Variants in PARP1 observed in about 807,000 individuals in gnomAD.
PARP1 encodes poly [ADP-ribose] polymerase 1.
A neutral mutation model predicts 118.7 loss-of-function variants in PARP1; 44 were observed. The observed-to-expected ratio is 0.37, with a 90% CI of 0.29 to 0.48. The LOEUF (loss-of-function observed/expected upper bound fraction) is 0.48. PARP1 is among the 20% of genes least tolerant of loss of function. PARP1 has a pLI of 0.99. For missense variants in PARP1, 1,100 were observed against 1,272.4 expected (o/e 0.86, Z 2.06); for synonymous variants, 492 against 483.2 (o/e 1.02, Z -0.24).
chr1:226,407,989 C>A lies in PARP1; in HGVS notation c.-60G>T, dbSNP rs999565376. The A allele has an allele frequency of 2.5e-6, 4 of 1,602,390 alleles. No individual in the cohort carries two copies. The highest frequency in any genetic ancestry group is 1.7e-5 in the Admixed American group (1 of 58,416). ...GACGCCACGACCTAGAAACACGCTG[C>A]CGCCTCGCCGCCTCGCGTGCGCTCA... On this transcript the variant is annotated 5_prime_UTR_variant, in exon 1 of 23. Coordinates refer to ENST00000366794, the MANE Select transcript of PARP1 (RefSeq NM_001618.4).
At chr1:226,396,320 T>C (rs1490582034) in intron 2 of PARP1, among the ~76,000 whole-genome samples, 7 of 150,848 alleles carry the variant, frequency 4.6e-5, no homozygotes. Flanking sequence ...TACTCCAACC[T>C]GGGCGACAGA....
rs944996971 is a variant in PARP1 at position 226,408,063 on chromosome 1, A to G, written c.-134T>C. 11 of 1,284,436 alleles carry G rather than the reference A, an allele frequency of 8.6e-6. No homozygotes were observed. The African/African-American group carries it at 1.5e-4, about 17-fold the overall frequency. 79.6% of individuals were successfully genotyped at this position (1,284,436 alleles called of 1,614,324 possible). A position where few individuals can be genotyped will look rare whatever the true frequency, so the allele number is the denominator to read the frequency against. On this transcript the variant is annotated 5_prime_UTR_variant, in exon 1 of 23. Transcript: ENST00000366794. ...CCAGAGCCGCCACCGAACACGCCGC[A>G]CCGGCCACCGCCGTTCCCTGATAGA...
rs1664573612 is a variant in PARP1 at position 226,380,039 on chromosome 1, G to A, written c.1426C>T (p.His476Tyr). The A allele has an allele frequency of 6.2e-6, 10 of 1,614,186 alleles. No homozygotes were observed. The highest frequency in any genetic ancestry group is 8.5e-6 in the Non-Finnish European group (10 of 1,180,042). ...TKSLQELFLA[H>Y]ILSPWGAEVK... ...TCTGCCCCCCAAGGGGACAAGATGT[G>A]CGCTAAGAACAACTCCTGAAGGCTC... is the stretch of plus-strand genomic sequence containing the variant. The change falls in exon 10 of 23, where the codon CAC becomes TAC. Residue 476 changes from histidine to tyrosine, a missense_variant. His to Tyr is a moderately conservative substitution (Grantham distance 83). Coordinates refer to ENST00000366794, the MANE Select transcript of PARP1 (RefSeq NM_001618.4).
intron 17 of PARP1, chr1:226,366,351 T>G: frequency 2.6e-6 from 1 of 384,660 alleles, no homozygotes; most frequent in Non-Finnish European, 5.0e-6. Flanking sequence ...TCACTGTCAG[T>G]GAACAGGGCA....
In PARP1 at chr1:226,366,016, T is replaced by C. The variant is rs763681464; in HGVS notation, c.2443A>G (p.Arg815Gly). Reference sequence around the variant, plus strand: ...GCATGAGTGTTCTTAACATACTTCCTGATGATCTCGGCTTCTTCAGAATCT... The same window carrying C: ...GCATGAGTGTTCTTAACATACTTCCCGATGATCTCGGCTTCTTCAGAATCT... ...DRDSEEAEIIRKYVKNTHATT... is the reference protein window; with the variant it reads ...DRDSEEAEIIGKYVKNTHATT... Residue 815 changes from arginine to glycine, a missense_variant, in exon 18 of 23, where the codon AGG becomes GGG. This residue lies in a region of PARP1 where 948 missense variants were observed against 1,031.8 expected (regional missense o/e 0.92). Transcript: ENST00000366794. 6.2e-7 allele frequency: 1 copy of C among 1,613,640 alleles called. No homozygotes were observed. The highest frequency in any genetic ancestry group is 1.1e-5 in the South Asian group (1 of 91,066).
In PARP1 at chr1:226,377,153, C is replaced by A. The variant is rs200966933; in HGVS notation, c.1896G>T (p.Thr632=). 3.4e-5 allele frequency: 55 copies of A among 1,613,930 alleles called. No individual in the cohort carries two copies. The highest frequency in any genetic ancestry group is 4.3e-5 in the Non-Finnish European group (51 of 1,180,026). The change falls in exon 13 of 23, where the codon ACG becomes ACT. Residue 632 remains threonine, a synonymous_variant. Coordinates refer to ENST00000366794, the MANE Select transcript of PARP1 (RefSeq NM_001618.4). Reference sequence around the variant, plus strand: ...GGGGGTAGAACTTTTTGGGATACTTCGTGAAATTTTTGGAGTGCCAAGCGT... The same window carrying A: ...GGGGGTAGAACTTTTTGGGATACTTAGTGAAATTTTTGGAGTGCCAAGCGT... ...TGNAWHSKNF[T]KYPKKFYPLE...
intron 4 of PARP1, 118 bp from the exon 5 acceptor site, chr1:226,388,873 C>T: frequency 3.7e-6 from 3 of 810,580 alleles, no homozygotes; most frequent in Non-Finnish European, 6.5e-6. Flanking sequence ...GGCCTACTCA[C>T]ACTTGTCACT....
At chr1:226,381,283 A>C (rs3219077) in intron 8 of PARP1, 75 bp from the exon 9 acceptor site, 15,925 of 1,568,736 alleles carry the variant, frequency 0.01, 92 homozygotes, top group Non-Finnish European at 0.013. Flanking sequence ...GTGGAGGAGC[A>C]GGTGAGCCAA....
chr1:226,361,410 G>T lies in PARP1; in HGVS notation c.*50C>A. ...AGGTGAGTTGGTGCAGAAGCGCTTC[G>T]GGTGAATTCATACCAGAGCCACCGG... On this transcript the variant is annotated 3_prime_UTR_variant, in exon 23 of 23. Transcript: ENST00000366794. The T allele has an allele frequency of 8.0e-7, 1 of 1,251,934 alleles. No homozygotes were observed. Among genetic ancestry groups the T allele is most frequent in the East Asian group, 2.3e-5 (1 of 42,718 alleles). 77.6% of individuals were successfully genotyped at this position (1,251,934 alleles called of 1,614,324 possible).
chr1:226,365,882 C>A (rs1331743637), intron 18 of PARP1, 72 bp downstream of exon 18: 1 of 959,124 alleles, frequency 1.0e-6, no homozygotes, highest in South Asian at 1.3e-5. Flanking sequence ...TCTACCCAGG[C>A]CCAGGTTGGA....
intron 1 of PARP1, 74 bp downstream of exon 1, chr1:226,407,736 T>G: frequency 2.1e-4 from 180 of 869,040 alleles, no homozygotes; most frequent in African/African-American, 2.8e-4. Context: ...GGGCCCGCCC[T>G]CCCCCAGCCT....
chr1:226,383,126 A>T lies in PARP1; in HGVS notation c.1069T>A (p.Phe357Ile). 1.2e-6 allele frequency: 2 copies of T among 1,613,060 alleles called. No homozygotes were observed. Among genetic ancestry groups the T allele is most frequent in the Non-Finnish European group, 1.7e-6 (2 of 1,179,590 alleles). ...KLKVKKQDRI[F>I]PPETSASVAA... ...ACGGAGGCGCTGGTTTCTGGGGGGA[A>T]TATACGGTCCTGTTTTTTAACCTTC... The change falls in exon 8 of 23, where the codon TTC (phenylalanine) becomes ATC (isoleucine). Residue 357 changes from phenylalanine to isoleucine, a missense_variant. Physicochemically the swap from Phe to Ile is conservative, Grantham distance 21. This residue lies in a region of PARP1 where 948 missense variants were observed against 1,031.8 expected (regional missense o/e 0.92). Coordinates refer to ENST00000366794, the MANE Select transcript of PARP1 (RefSeq NM_001618.4).
chr1:226,379,697 G>A lies in PARP1; in HGVS notation c.1544-56C>T, dbSNP rs374868606. On this transcript the variant is annotated intron_variant, in intron 10 of 22. Transcript: ENST00000366794. ...AAGTTAAATGTAACTAAAAAGTAAG[G>A]GGAAGGTAGAAGGCAAATGAGTTGT... 1.1e-4 allele frequency: 161 copies of A among 1,456,190 alleles called. No individual in the cohort carries two copies. In the African/African-American group the frequency reaches 1.9e-3, roughly 17 times the overall value. The allele number at this position is 1,456,190 out of a possible 1,614,324, so 90.2% of individuals were successfully genotyped here.
Position 226,370,061 on chromosome 1 carries a change from C to T in PARP1, c.2154+373G>A, listed in dbSNP as rs1437406463. On this transcript the variant is annotated intron_variant, in intron 15 of 22. Coordinates refer to ENST00000366794, the MANE Select transcript of PARP1 (RefSeq NM_001618.4). ...CAACTTTTCTCCTCCATGGGTTCTG[C>T]AGGGCACTCTAGGACTTGAGCATGA... Among the ~76,000 whole-genome samples, 4 of 150,756 alleles carry T rather than the reference C, an allele frequency of 2.7e-5. No homozygotes were observed. The South Asian group carries it at 8.4e-4, about 32-fold the overall frequency.
In PARP1 at chr1:226,365,957, G is replaced by A. The variant is rs537139670; in HGVS notation, c.2502C>T (p.Ile834=). 3.3e-5 allele frequency: 53 copies of A among 1,593,142 alleles called. No individual in the cohort carries two copies. The highest frequency in any genetic ancestry group is 2.1e-4 in the African/African-American group (16 of 74,636). Residue 834 remains isoleucine, a synonymous_variant, in exon 18 of 23, where the codon ATC becomes ATT. Transcript: ENST00000366794. ...TTHNAYDLEV[I]DIFKIEREGE... is the part of the protein sequence containing the mutation. ...TGGGGGAAGAAGGGATTCTTACATC[G>A]ATGACTTCCAAGTCATACGCATTGT...
At chr1:226,407,731 C>CGG in intron 1 of PARP1, 79 bp downstream of exon 1, 1 of 1,413,586 alleles carries the variant, frequency 7.1e-7, no homozygotes, top group Non-Finnish European at 9.4e-7. Flanking sequence ...TCCCTGGGCC[C>CGG]GCCCTCCCCC....
intron 9 of PARP1, 144 bp from the exon 10 acceptor site, chr1:226,380,308 G>A: frequency 1.2e-6 from 1 of 853,298 alleles, no homozygotes; most frequent in South Asian, 1.5e-5. Context: ...ATGCTCCCAA[G>A]AGTGTTTTTA....
intron 9 of PARP1, 148 bp from the exon 10 acceptor site, chr1:226,380,312 G>T: frequency 1.2e-6 from 1 of 817,924 alleles, no homozygotes; most frequent in Non-Finnish European, 2.0e-6. Context: ...TCCCAAGAGT[G>T]TTTTTATCAG....
intron 13 of PARP1, among the ~76,000 whole-genome samples, chr1:226,375,998 T>A (rs139612626): frequency 9.0e-4 from 137 of 152,264 alleles, no homozygotes; most frequent in African/African-American, 2.9e-3. Context: ...TTCTCAAAAA[T>A]TTTTAAAGTA....
Sources: gnomAD v4.1 joint callset for allele counts (sites outside exome capture counted in the v4.1 genomes callset) on GRCh38, gnomAD v4.1.1 for gene constraint, gnomAD v4.1.1 regional missense constraint, MANE v1.5 for transcripts, NCBI Gene and HGNC (gene_info 2026-07-23, HGNC 2026-07-21) for gene names.